PPP1R21: variants seen among roughly 807,000 people sequenced by gnomAD.
The protein encoded by PPP1R21 is protein phosphatase 1 regulatory subunit 21, also known as KLRAQ motif containing 1.
In PPP1R21, 85 loss-of-function variants were observed where a neutral mutation model predicts 112.8. The observed-to-expected ratio is 0.75, with a 90% CI of 0.63 to 0.90. PPP1R21 has a LOEUF of 0.90. Among genes scored for constraint, PPP1R21 ranks in the 40% least tolerant of loss-of-function variants. The pLI is 0.00. For synonymous variants in PPP1R21, 381 were observed against 322.3 expected (o/e 1.18, Z -1.95); for missense variants, 1,199 against 901.5 (o/e 1.33, Z -4.23).
At chr2:48,447,249 A>T (rs1667288945) in intron 1 of PPP1R21, among the ~76,000 whole-genome samples, 1 of 152,172 alleles carries the variant, frequency 6.6e-6, no homozygotes, top group Admixed American at 6.5e-5. Flanking sequence ...AGTAGGTAAA[A>T]AGTAGGATCC....
At chr2:48,473,965 T>G (rs909565644) in intron 11 of PPP1R21, among the ~76,000 whole-genome samples, 1 of 152,232 alleles carries the variant, frequency 6.6e-6, no homozygotes, top group Non-Finnish European at 1.5e-5. Context: ...GAAAAGATTT[T>G]CTAGATTCTC....
At chr2:48,462,339 G>A (rs1306639843) in intron 7 of PPP1R21, among the ~76,000 whole-genome samples, 3 of 152,150 alleles carry the variant, frequency 2.0e-5, no homozygotes, top group African/African-American at 7.2e-5. Flanking sequence ...TTATAGCCTC[G>A]TAAGGCAGAG....
chr2:48,486,381 C>T (rs138134271), intron 13 of PPP1R21, among the ~76,000 whole-genome samples: 36 of 152,190 alleles, frequency 2.4e-4, no homozygotes, highest in Admixed American at 8.5e-4. Flanking sequence ...ATTAATACTC[C>T]GACGAGGAAA....
rs751715736 is a variant in PPP1R21 at position 48,465,586 on chromosome 2, A to T, written c.841A>T (p.Ile281Phe). 1 of 1,613,816 alleles carries T rather than the reference A, an allele frequency of 6.2e-7. No individual in the cohort carries two copies. The highest frequency in any genetic ancestry group is 8.5e-7 in the Non-Finnish European group (1 of 1,179,878). ...CTTTCATACCTACACAGAACAGAGGATTCAAATTTTTCCTGTTGATTCTGC... is the reference window on the plus strand; with the variant it reads ...CTTTCATACCTACACAGAACAGAGGTTTCAAATTTTTCCTGTTGATTCTGC... Reference protein sequence around the residue: ...LNFHTYTEQRIQIFPVDSAID... With the variant: ...LNFHTYTEQRFQIFPVDSAID... The change falls in exon 9 of 22, where the codon ATT becomes TTT. Residue 281 changes from isoleucine to phenylalanine, a missense_variant. By Grantham distance (21) the Ile-to-Phe change is conservative. Coordinates refer to ENST00000294952, the MANE Select transcript of PPP1R21 (RefSeq NM_001135629.3).
intron 7 of PPP1R21, among the ~76,000 whole-genome samples, chr2:48,464,723 T>C (rs963101461): frequency 3.3e-5 from 5 of 151,986 alleles, no homozygotes; most frequent in African/African-American, 1.2e-4. Flanking sequence ...TTTGTTTGGG[T>C]TTTTTTTAAG....
rs575012051 is a variant in PPP1R21, at chr2:48,496,776, G to C, written c.1692+1005G>C. 3.3e-5 allele frequency among the ~76,000 whole-genome samples: 5 copies of C among 152,278 alleles called. No individual in the cohort carries two copies. In the East Asian group the frequency reaches 9.7e-4, roughly 29 times the overall value. ...GCCATTGCGCCCAGTGGAGCTTGTT[G>C]GATTTAGGTCCAGTCACATTTCTTC... On this transcript the variant is annotated intron_variant, in intron 16 of 21. Transcript: ENST00000294952.
chr2:48,462,464 A>G (rs1668018205), intron 7 of PPP1R21, among the ~76,000 whole-genome samples: 1 of 152,206 alleles, frequency 6.6e-6, no homozygotes, highest in Non-Finnish European at 1.5e-5. Flanking sequence ...CTTCCCAGAA[A>G]AAGGGTGCTT....
chr2:48,498,073 C>T (rs1025839903), intron 16 of PPP1R21, among the ~76,000 whole-genome samples: 3 of 151,864 alleles, frequency 2.0e-5, no homozygotes, highest in Non-Finnish European at 4.4e-5. Context: ...CATTGCATAC[C>T]TTTTAATTTG....
chr2:48,504,992 TC>T (rs1281046884), intron 17 of PPP1R21, among the ~76,000 whole-genome samples: 5 of 151,912 alleles, frequency 3.3e-5, no homozygotes, highest in African/African-American at 4.8e-5. Context: ...AGACCTTGTG[TC>T]TAAAAAAAAA....
rs78416381 is a variant in PPP1R21 at position 48,448,658 on chromosome 2, A to G, written c.58-2350A>G. Among the ~76,000 whole-genome samples, 858 of 149,914 alleles carry G rather than the reference A, an allele frequency of 5.7e-3. 14 individuals are homozygous for G. The highest frequency in any genetic ancestry group is 0.02 in the African/African-American group (815 of 40,856). On this transcript the variant is annotated intron_variant, in intron 1 of 21. Coordinates refer to ENST00000294952, the MANE Select transcript of PPP1R21 (RefSeq NM_001135629.3). ...GCAGTATTGCTATTTTTTTGGCTATATGGATTTGAAAGTATTTATTGAATT... is the reference window on the plus strand; with the variant it reads ...GCAGTATTGCTATTTTTTTGGCTATGTGGATTTGAAAGTATTTATTGAATT...
intron 13 of PPP1R21, among the ~76,000 whole-genome samples, chr2:48,486,127 G>T (rs182641952): frequency 7.2e-5 from 11 of 151,924 alleles, no homozygotes; most frequent in Admixed American, 7.2e-4. Flanking sequence ...CGTCCAATCC[G>T]TATTTGGCTG....
At chr2:48,490,454 A>G (rs1669512799) in intron 14 of PPP1R21, among the ~76,000 whole-genome samples, 1 of 152,180 alleles carries the variant, frequency 6.6e-6, no homozygotes, top group African/African-American at 2.4e-5. Flanking sequence ...TTTGAAAGTG[A>G]TAGATCTTTG....
intron 19 of PPP1R21, among the ~76,000 whole-genome samples, chr2:48,509,547 A>G (rs1306014593): frequency 6.6e-6 from 1 of 151,818 alleles, no homozygotes; most frequent in East Asian, 1.9e-4. Flanking sequence ...TCTACTAAAA[A>G]TACAAAACTT....
At chr2:48,475,219 A>C (rs1668697913) in intron 12 of PPP1R21, among the ~76,000 whole-genome samples, 1 of 151,912 alleles carries the variant, frequency 6.6e-6, no homozygotes, top group Non-Finnish European at 1.5e-5. Flanking sequence ...CAGATGTGGC[A>C]GCACTTCCCT....
intron 17 of PPP1R21, among the ~76,000 whole-genome samples, chr2:48,502,276 C>G (rs535174813): frequency 1.3e-5 from 2 of 152,168 alleles, no homozygotes; most frequent in South Asian, 2.1e-4. Context: ...GACCTGATAC[C>G]TTTTCTCTCC....
intron 15 of PPP1R21, among the ~76,000 whole-genome samples, chr2:48,492,687 C>A (rs1175805614): frequency 6.6e-6 from 1 of 152,158 alleles, no homozygotes; most frequent in African/African-American, 2.4e-5. Context: ...TGCTAGTTGT[C>A]CTTCAAAATG....
chr2:48,506,524 T>C (rs1315689187), intron 18 of PPP1R21, among the ~76,000 whole-genome samples: 1 of 152,356 alleles, frequency 6.6e-6, no homozygotes, highest in Middle Eastern at 3.4e-3. Context: ...TCTTGTAATA[T>C]AGATAATCAT....
At position 48,441,850 on chromosome 2, in the gene PPP1R21, A is replaced by G. The variant is rs544686909; in HGVS notation, c.57+840A>G. Among the ~76,000 whole-genome samples, 19 of 152,366 alleles carry G rather than the reference A, an allele frequency of 1.2e-4. No homozygotes were observed. In the South Asian group the frequency reaches 3.7e-3, roughly 30 times the overall value. ...TCAACAGTCATTAAGCTTAGTTTTCAGTGACTTTGGCATTCATGGAGTCAG... is the reference window on the plus strand; with the variant it reads ...TCAACAGTCATTAAGCTTAGTTTTCGGTGACTTTGGCATTCATGGAGTCAG... On this transcript the variant is annotated intron_variant, in intron 1 of 21. Transcript: ENST00000294952.
chr2:48,494,019 C>T (rs569495857), intron 15 of PPP1R21, among the ~76,000 whole-genome samples: 3 of 132,774 alleles, frequency 2.3e-5, no homozygotes, highest in East Asian at 2.2e-4. Flanking sequence ...TCCAGGAGTT[C>T]GAGATCAGCC....
Sources: allele counts gnomAD v4.1 joint callset (sites outside exome capture counted in the v4.1 genomes callset), GRCh38; gene constraint gnomAD v4.1.1; transcripts MANE v1.5; gene names NCBI Gene and HGNC (gene_info 2026-07-23, HGNC 2026-07-21).